Variants in HSBP1 observed in about 807,000 individuals in gnomAD.
The protein encoded by HSBP1 is heat shock factor-binding protein 1.
In HSBP1, 5 loss-of-function variants were observed where a neutral mutation model predicts 9.6. The ratio of observed to expected loss-of-function variants is 0.52; its 90% CI spans 0.27 to 1.09. The LOEUF (loss-of-function observed/expected upper bound fraction) is 1.09. Among genes scored for constraint, HSBP1 ranks in the 50% least tolerant of loss-of-function variants. The probability of loss-of-function intolerance (pLI) is 0.11; values close to 1 mark genes in which losing one functional copy is unlikely to be tolerated. For synonymous variants in HSBP1, 42 were observed against 33.3 expected, an observed-to-expected ratio of 1.26 and a Z score of -0.90; for missense variants, 121 against 96.3, an observed-to-expected ratio of 1.26 and a Z score of -1.07.
intron 2 of HSBP1, chr16:83,809,046 GT>G: frequency 3.6e-6 from 2 of 551,532 alleles, no homozygotes; most frequent in South Asian, 4.9e-5. Context: ...TTATGAGTGG[GT>G]TGTAGTGTTA....
chr16:83,808,115 C>G lies in HSBP1; in HGVS notation c.39C>G (p.Thr13=), dbSNP rs905354461. Residue 13 remains threonine, a synonymous_variant, in exon 1 of 4, where the codon ACC becomes ACG. Transcript: ENST00000433866. ...ETDPKTVQDL[T]SVVQTLLQQM... The stretch of plus-strand genomic sequence containing the variant: ...ACCCCAAGACCGTGCAGGACCTCAC[C>G]TCGGTGGTAAGGGACGGCTGTGAGG... 3.2e-6 allele frequency: 5 copies of G among 1,546,694 alleles called. No homozygotes were observed. Among genetic ancestry groups the G allele is most frequent in the East Asian group, 5.0e-5 (2 of 40,118 alleles).
chr16:83,809,269 T>G, intron 2 of HSBP1, 36 bp from the exon 3 acceptor site: 2,388 of 1,269,692 alleles, frequency 1.9e-3, no homozygotes, highest in Non-Finnish European at 2.5e-3. Context: ...AAAGGCTCAA[T>G]GAGATGTTGG....
rs2151031090 is a variant in HSBP1 at position 83,812,162 on chromosome 16, T to A, written c.*744T>A. The stretch of plus-strand genomic sequence containing the variant: ...CTTCAGTAGGACCCTACCTACGTGG[T>A]TCATCTACAATGGTTACCATAAAAA... On this transcript the variant is annotated 3_prime_UTR_variant, in exon 4 of 4. Coordinates refer to ENST00000433866, the MANE Select transcript of HSBP1 (RefSeq NM_001537.4). 1 of 152,748 alleles carries A rather than the reference T, an allele frequency of 6.5e-6. No homozygotes were observed. Among genetic ancestry groups the A allele is most frequent in the Non-Finnish European group, 1.5e-5 (1 of 68,028 alleles). The allele number at this position is 152,748 out of a possible 1,614,324, so 9.5% of individuals were successfully genotyped here. A position where few individuals can be genotyped will look rare whatever the true frequency, so the allele number is the denominator to read the frequency against.
At position 83,811,777 on chromosome 16, in the gene HSBP1, C is replaced by T. The variant is rs1483596408; in HGVS notation, c.*359C>T. The T allele has an allele frequency of 6.6e-6, 1 of 152,050 alleles. No individual in the cohort carries two copies. Among genetic ancestry groups the T allele is most frequent in the Non-Finnish European group, 1.5e-5 (1 of 68,010 alleles). The allele number at this position is 152,050 out of a possible 1,614,324, so 9.4% of individuals were successfully genotyped here. ...AGTTGATGTGTGATTTTTTATTAAA[C>T]AAATAGTAAACCCTTCAATTATAGT... On this transcript the variant is annotated 3_prime_UTR_variant, in exon 4 of 4. Transcript: ENST00000433866.
chr16:83,808,595 CCCGGGA>C (rs1904519092), intron 1 of HSBP1, 79 bp from the exon 2 acceptor site: 2 of 1,087,048 alleles, frequency 1.8e-6, no homozygotes, highest in African/African-American at 3.1e-5. Context: ...GGGCTGGAAC[CCCGGGA>C]CCAGGGCTTG....
rs1904534935 is a variant in HSBP1, at chr16:83,809,105, G to T, written c.113-200G>T. ...TTGAGGTTTAGGGGTTCCATCACTA[G>T]TAAGGGTCAGGGCTGGAATCCGATG... On this transcript the variant is annotated intron_variant, in intron 2 of 3. Transcript: ENST00000433866. The T allele has an allele frequency of 5.4e-6, 3 of 560,438 alleles. No individual in the cohort carries two copies. The Admixed American group carries it at 9.9e-5, about 19-fold the overall frequency. The allele number at this position is 560,438 out of a possible 1,614,324, so 34.7% of individuals were successfully genotyped here.
chr16:83,808,040 G>T lies in HSBP1; in HGVS notation c.-37G>T, dbSNP rs749279983. 27 of 1,522,972 alleles carry T rather than the reference G, an allele frequency of 1.8e-5. No homozygotes were observed. The highest frequency in any genetic ancestry group is 2.3e-5 in the Non-Finnish European group (26 of 1,133,256). The allele number at this position is 1,522,972 out of a possible 1,614,324, so 94.3% of individuals were successfully genotyped here. A position where few individuals can be genotyped will look rare whatever the true frequency, so the allele number is the denominator to read the frequency against. ...GCGGACAAACGGAAGTGTAGGTTAC[G>T]GTCTGAGACATCACCGCCAAGCTGG... On this transcript the variant is annotated 5_prime_UTR_variant, in exon 1 of 4. Coordinates refer to ENST00000433866, the MANE Select transcript of HSBP1 (RefSeq NM_001537.4).
chr16:83,808,790 C>G, intron 2 of HSBP1, 44 bp downstream of exon 2: 1 of 1,460,636 alleles, frequency 6.8e-7, no homozygotes, highest in African/African-American at 1.4e-5. Context: ...GCCTTTGGAG[C>G]CTATTTGCCG....
chr16:83,812,559 A>AT lies in HSBP1; in HGVS notation c.*1148dup, dbSNP rs1597255579. On this transcript the variant is annotated 3_prime_UTR_variant, in exon 4 of 4. Coordinates refer to ENST00000433866, the MANE Select transcript of HSBP1 (RefSeq NM_001537.4). ...AAAACTTGAAAATTTGAAAAACATG[A>AT]TTTTTTTAAGTTTCTCATCTCACCA... 6.6e-6 allele frequency: 1 copy of AT among 152,174 alleles called. No homozygotes were observed. Among genetic ancestry groups the AT allele is most frequent in the African/African-American group, 2.4e-5 (1 of 41,424 alleles). 9.4% of individuals were successfully genotyped at this position (152,174 alleles called of 1,614,324 possible).
chr16:83,810,293 A>T (rs1160261703), intron 3 of HSBP1, among the ~76,000 whole-genome samples: 1 of 152,108 alleles, frequency 6.6e-6, no homozygotes. Flanking sequence ...CTAGTAATTC[A>T]AAGTACCTAC....
At chr16:83,809,207 G>T (rs770973297) in intron 2 of HSBP1, 98 bp from the exon 3 acceptor site, 34 of 751,444 alleles carry the variant, frequency 4.5e-5, no homozygotes, top group Middle Eastern at 4.7e-4. Flanking sequence ...TGGAAGACCA[G>T]TTTCCCTAAA....
In HSBP1 at chr16:83,817,414, C is replaced by T. The variant is rs576930030; in HGVS notation, c.*5996C>T. On this transcript the variant is annotated 3_prime_UTR_variant, in exon 4 of 4. Transcript: ENST00000433866. ...GTAACCGGATTCAGCTTCAGATCTG[C>T]CTGACATTTTTCCTGCCTGTCCTGG... 6.6e-6 allele frequency: 1 copy of T among 152,360 alleles called. No homozygotes were observed. The highest frequency in any genetic ancestry group is 2.4e-5 in the African/African-American group (1 of 41,552). 9.4% of individuals were successfully genotyped at this position (152,360 alleles called of 1,614,324 possible). A position where few individuals can be genotyped will look rare whatever the true frequency, so the allele number is the denominator to read the frequency against.
In HSBP1 at chr16:83,815,634, C is replaced by T. The variant is rs1396082193; in HGVS notation, c.*4216C>T. 6.6e-6 allele frequency: 1 copy of T among 152,104 alleles called. No homozygotes were observed. The highest frequency in any genetic ancestry group is 6.5e-5 in the Admixed American group (1 of 15,272). 9.4% of individuals were successfully genotyped at this position (152,104 alleles called of 1,614,324 possible). On this transcript the variant is annotated 3_prime_UTR_variant, in exon 4 of 4. Coordinates refer to ENST00000433866, the MANE Select transcript of HSBP1 (RefSeq NM_001537.4). ...TCGAGTGATCCTGAAAGCTGTACAA[C>T]ATCAGCCTCTGTGGGATCCCTGAGA...
Position 83,811,665 on chromosome 16 carries a change from C to G in HSBP1, c.*247C>G, listed in dbSNP as rs1414732296. 2.0e-5 allele frequency: 3 copies of G among 152,222 alleles called. No individual in the cohort carries two copies. Among genetic ancestry groups the G allele is most frequent in the African/African-American group, 7.2e-5 (3 of 41,460 alleles). 9.4% of individuals were successfully genotyped at this position (152,222 alleles called of 1,614,324 possible). A position where few individuals can be genotyped will look rare whatever the true frequency, so the allele number is the denominator to read the frequency against. On this transcript the variant is annotated 3_prime_UTR_variant, in exon 4 of 4. Transcript: ENST00000433866. ...AACACTAAAACTTTGGCGGTTCTTG[C>G]ATAACATTGTCAGATTTTTTAGTGT...
At position 83,808,374 on chromosome 16, in the gene HSBP1, GT is replaced by G. The variant is rs368095289; in HGVS notation, c.45+254del. The G allele has an allele frequency of 1.3e-3, 692 of 552,160 alleles. 1 individual carries two copies. Among genetic ancestry groups the G allele is most frequent in the Admixed American group, 2.1e-3 (56 of 26,884 alleles). The allele number at this position is 552,160 out of a possible 1,614,324, so 34.2% of individuals were successfully genotyped here. ...TTCATCTGTCGCGAACGCCCTCCGG[GT>G]CCCTCCCGCCTACCTCTGACACCCT... On this transcript the variant is annotated intron_variant, in intron 1 of 3. Coordinates refer to ENST00000433866, the MANE Select transcript of HSBP1 (RefSeq NM_001537.4).
intron 2 of HSBP1, 170 bp from the exon 3 acceptor site, chr16:83,809,135 G>T (rs1449772466): frequency 1.8e-6 from 1 of 571,298 alleles, no homozygotes. Flanking sequence ...CCGATGCGGG[G>T]TAGCCATGCC....
intron 3 of HSBP1, among the ~76,000 whole-genome samples, chr16:83,809,689 G>C (rs929947045): frequency 1.3e-5 from 2 of 151,770 alleles, no homozygotes; most frequent in African/African-American, 2.4e-5. Flanking sequence ...TGCTGGTCTC[G>C]AATTCTGACC....
In HSBP1 at chr16:83,817,192, A is replaced by G. The variant is rs1904739675; in HGVS notation, c.*5774A>G. On this transcript the variant is annotated 3_prime_UTR_variant, in exon 4 of 4. Transcript: ENST00000433866. ...AGGCCTGTCTACTGCGAACCGTCCG[A>G]TGATGTAATTCACCAAGTTCCATGG... The G allele has an allele frequency of 6.6e-6, 1 of 152,224 alleles. No individual in the cohort carries two copies. Among genetic ancestry groups the G allele is most frequent in the African/African-American group, 2.4e-5 (1 of 41,466 alleles). The allele number at this position is 152,224 out of a possible 1,614,324, so 9.4% of individuals were successfully genotyped here.
rs573122032 is a variant in HSBP1, at chr16:83,817,796, T to A, written c.*6378T>A. On this transcript the variant is annotated 3_prime_UTR_variant, in exon 4 of 4. Transcript: ENST00000433866. ...TGTTTCTTTTAACAGTGCATTCTCC[T>A]GAAAACATAAGACCATTTGACTGAT... is the stretch of plus-strand genomic sequence containing the variant. 2 of 152,348 alleles carry A rather than the reference T, an allele frequency of 1.3e-5. No individual in the cohort carries two copies. Among genetic ancestry groups the A allele is most frequent in the Non-Finnish European group, 2.9e-5 (2 of 68,024 alleles). 9.4% of individuals were successfully genotyped at this position (152,348 alleles called of 1,614,324 possible).
Sources: allele counts gnomAD v4.1 joint callset (sites outside exome capture counted in the v4.1 genomes callset), GRCh38; gene constraint gnomAD v4.1.1; transcripts MANE v1.5; gene names NCBI Gene and HGNC (gene_info 2026-07-23, HGNC 2026-07-21).